PTPRD: variants seen among roughly 807,000 people sequenced by gnomAD.
PTPRD encodes protein tyrosine phosphatase receptor type D.
PTPRD carries 34 observed loss-of-function variants against 214.5 expected under a neutral mutation model. That is an observed-to-expected ratio of 0.16 (90% CI 0.12 to 0.21). The LOEUF is 0.21. PTPRD is among the 10% of genes least tolerant of loss of function. The pLI, the probability that PTPRD is intolerant of heterozygous loss-of-function variation, is 1.00. For missense variants in PTPRD, 2,545 were observed against 2,398.7 expected, an observed-to-expected ratio of 1.06 and a Z score of -1.27; for synonymous variants, 1,128 against 845.7, an observed-to-expected ratio of 1.33 and a Z score of -5.79.
intron 3 of PTPRD, among the ~76,000 whole-genome samples, chr9:10,097,296 A>G (rs832254): frequency 0.27 from 27,660 of 100,650 alleles, 4,521 homozygotes; most frequent in African/African-American, 0.4. Flanking sequence ...TAGCTTGATG[A>G]GGATGGCATT....
intron 39 of PTPRD, among the ~76,000 whole-genome samples, 176 bp downstream of exon 39, chr9:8,375,760 G>A (rs1382482930): frequency 6.6e-6 from 1 of 152,056 alleles, no homozygotes; most frequent in African/African-American, 2.4e-5. Context: ...GGGGAAATAT[G>A]CATCTATGTC....
chr9:9,094,495 A>T (rs886788810), intron 10 of PTPRD, among the ~76,000 whole-genome samples: 1 of 152,162 alleles, frequency 6.6e-6, no homozygotes. Flanking sequence ...TAAGAATGAT[A>T]TAACAGACTT....
At chr9:8,726,803 GA>G (rs35672150) in intron 12 of PTPRD, among the ~76,000 whole-genome samples, 104,328 of 113,218 alleles carry the variant, frequency 0.92, 48,605 homozygotes, top group East Asian at 0.99. Flanking sequence ...TCCATCTCAA[GA>G]AAAAAAAAAA....
At chr9:9,869,904 C>T (rs2153709851) in intron 5 of PTPRD, among the ~76,000 whole-genome samples, 1 of 151,996 alleles carries the variant, frequency 6.6e-6, no homozygotes, top group African/African-American at 2.4e-5. Flanking sequence ...AATTAGAGAA[C>T]AGCCACTAGA....
chr9:9,826,332 G>A (rs1419157171), intron 5 of PTPRD, among the ~76,000 whole-genome samples: 1 of 151,620 alleles, frequency 6.6e-6, no homozygotes, highest in East Asian at 1.9e-4. Context: ...TCCTTTCTGA[G>A]ATTTTCTAAT....
chr9:9,846,241 C>A (rs1428199014), intron 5 of PTPRD, among the ~76,000 whole-genome samples: 1 of 151,980 alleles, frequency 6.6e-6, no homozygotes, highest in African/African-American at 2.4e-5. Flanking sequence ...GTGCATAAAG[C>A]ACTGCAGCAA....
intron 3 of PTPRD, among the ~76,000 whole-genome samples, chr9:10,142,284 T>C (rs1298446955): frequency 0.016 from 2,454 of 150,892 alleles, 47 homozygotes; most frequent in African/African-American, 0.057. Context: ...GGGATCTAAT[T>C]AAACTAAAGA....
At chr9:10,439,497 T>TAGTG (rs1465216853) in intron 2 of PTPRD, among the ~76,000 whole-genome samples, 1 of 151,752 alleles carries the variant, frequency 6.6e-6, no homozygotes, top group Non-Finnish European at 1.5e-5. Context: ...ATTTACAAGG[T>TAGTG]AGTGGTCTTG....
chr9:10,066,191 C>T (rs1013299648), intron 3 of PTPRD, among the ~76,000 whole-genome samples: 10 of 151,604 alleles, frequency 6.6e-5, no homozygotes, highest in African/African-American at 2.4e-4. Context: ...CAAAATAAAG[C>T]ATACTTTGTT....
intron 2 of PTPRD, among the ~76,000 whole-genome samples, chr9:10,609,426 C>CA (rs2080345052): frequency 6.6e-6 from 1 of 152,074 alleles, no homozygotes; most frequent in African/African-American, 2.4e-5. Flanking sequence ...TGTAAAGTTA[C>CA]ATTAATCACA....
chr9:10,282,769 T>G (rs2095188634), intron 3 of PTPRD, among the ~76,000 whole-genome samples: 1 of 152,070 alleles, frequency 6.6e-6, no homozygotes, highest in African/African-American at 2.4e-5. Context: ...ACCATCAGCT[T>G]CAAAGACAGC....
intron 11 of PTPRD, among the ~76,000 whole-genome samples, chr9:8,836,336 G>A (rs909737761): frequency 2.0e-5 from 3 of 152,110 alleles, no homozygotes; most frequent in African/African-American, 7.2e-5. Context: ...GAGAGCCCTT[G>A]GCACATCTCT....
chr9:9,453,812 G>C (rs1481660338), intron 8 of PTPRD, among the ~76,000 whole-genome samples: 3 of 151,648 alleles, frequency 2.0e-5, no homozygotes, highest in Non-Finnish European at 4.4e-5. Flanking sequence ...AGCCCATAAG[G>C]AGATATAAGG....
At chr9:10,068,919 G>A (rs1179615430) in intron 3 of PTPRD, among the ~76,000 whole-genome samples, 1 of 151,936 alleles carries the variant, frequency 6.6e-6, no homozygotes, top group Non-Finnish European at 1.5e-5. Flanking sequence ...AAGCCATCCT[G>A]TGCATTCGTA....
rs193097221 is a variant in PTPRD, at chr9:8,705,981, G to C, written c.64+27799C>G. Among the ~76,000 whole-genome samples, 536 of 152,220 alleles carry C rather than the reference G, an allele frequency of 3.5e-3. 10 individuals carry two copies. The highest frequency in any genetic ancestry group is 1.6e-3 in the Non-Finnish European group (112 of 68,012). ...CTGTATCCATATGTGTAAATTCCAA[G>C]CCAGGCATTCATTTCAACTCAATTC... On this transcript the variant is annotated intron_variant, in intron 12 of 45. Coordinates refer to ENST00000381196, the MANE Select transcript of PTPRD (RefSeq NM_002839.4).
In PTPRD at chr9:8,633,329, T is replaced by C. The variant is rs781093434; in HGVS notation, c.340A>G (p.Thr114Ala). 3.7e-6 allele frequency: 6 copies of C among 1,611,308 alleles called. No homozygotes were observed. The highest frequency in any genetic ancestry group is 1.7e-5 in the Admixed American group (1 of 59,486). Reference protein sequence around the residue: ...VGEISVSTRLTVLREDQIPRG... With the variant: ...VGEISVSTRLAVLREDQIPRG... ...CTTGAGCACTTACCCCGCAAAACTG[T>C]GAGTCTGGTGGATACACTTATTTCT... is the stretch of plus-strand genomic sequence containing the variant. Residue 114 changes from threonine (T) to alanine (A), a missense_variant, in exon 14 of 46, where the codon ACA (threonine) becomes GCA (alanine). Physicochemically the swap from Thr to Ala is moderately conservative, Grantham distance 58. Transcript: ENST00000381196.
chr9:10,551,417 T>C (rs142028098), intron 2 of PTPRD, among the ~76,000 whole-genome samples: 2 of 152,234 alleles, frequency 1.3e-5, no homozygotes, highest in African/African-American at 4.8e-5. Context: ...TGAATGTCTA[T>C]GTTCCTCAAA....
intron 9 of PTPRD, among the ~76,000 whole-genome samples, chr9:9,305,471 G>C (rs1211512716): frequency 1.3e-5 from 2 of 152,088 alleles, no homozygotes; most frequent in African/African-American, 4.8e-5. Context: ...ATTCAGTTTA[G>C]TGTGGAAGAA....
intron 4 of PTPRD, among the ~76,000 whole-genome samples, chr9:9,995,832 C>G (rs1414423492): frequency 6.6e-6 from 1 of 152,088 alleles, no homozygotes; most frequent in African/African-American, 2.4e-5. Context: ...TGGTAAAATG[C>G]TCTGTAAACC....
Sources: gnomAD v4.1 joint callset for allele counts (sites outside exome capture counted in the v4.1 genomes callset) on GRCh38, gnomAD v4.1.1 for gene constraint, MANE v1.5 for transcripts, NCBI Gene and HGNC (gene_info 2026-07-23, HGNC 2026-07-21) for gene names.